Variants in KCNMB2 observed in about 807,000 individuals in gnomAD.
KCNMB2 encodes calcium-activated potassium channel subunit beta-2.
Under a neutral mutation model 24.5 loss-of-function variants are expected in KCNMB2, and 9 were observed. The ratio of observed to expected loss-of-function variants is 0.37; its 90% CI spans 0.22 to 0.64. The LOEUF is 0.64. Among genes scored for constraint, KCNMB2 ranks in the 30% least tolerant of loss-of-function variants. The pLI, the probability that KCNMB2 is intolerant of heterozygous loss-of-function variation, is 0.63. For synonymous variants in KCNMB2, 109 were observed against 104.4 expected (o/e 1.04, Z -0.27); for missense variants, 226 against 284.3 (o/e 0.79, Z 1.47).
chr3:178,627,111 T>A (rs1189147029), intron 1 of KCNMB2, among the ~76,000 whole-genome samples: 1 of 152,028 alleles, frequency 6.6e-6, no homozygotes, highest in African/African-American at 2.4e-5. Flanking sequence ...AGGATTTGAG[T>A]TGGCTAGATT....
At chr3:178,805,401 A>G (rs1302856973) in intron 1 of KCNMB2, among the ~76,000 whole-genome samples, 3 of 152,228 alleles carry the variant, frequency 2.0e-5, no homozygotes, top group Admixed American at 1.3e-4. Context: ...CGTGGTACAG[A>G]CTAAGCCCTA....
At chr3:178,675,226 T>C (rs1049230289) in intron 1 of KCNMB2, among the ~76,000 whole-genome samples, 2 of 152,370 alleles carry the variant, frequency 1.3e-5, no homozygotes, top group South Asian at 2.1e-4. Context: ...TTTAAAAGCC[T>C]AACAAGCCTC....
intron 1 of KCNMB2, among the ~76,000 whole-genome samples, chr3:178,673,354 G>T (rs1283710881): frequency 2.0e-5 from 3 of 151,936 alleles, no homozygotes; most frequent in Admixed American, 6.6e-5. Flanking sequence ...ATTACCAAAT[G>T]CAATATTCTT....
chr3:178,696,108 A>C (rs1420331448), intron 1 of KCNMB2, among the ~76,000 whole-genome samples: 1 of 152,250 alleles, frequency 6.6e-6, no homozygotes, highest in Non-Finnish European at 1.5e-5. Flanking sequence ...CCTTCTTCAT[A>C]TGGCAGCAGG....
chr3:178,629,659 A>C (rs896543978), intron 1 of KCNMB2, among the ~76,000 whole-genome samples: 4 of 152,234 alleles, frequency 2.6e-5, no homozygotes, highest in African/African-American at 9.6e-5. Flanking sequence ...TTTGTGCCAG[A>C]CACACAGATA....
intron 1 of KCNMB2, among the ~76,000 whole-genome samples, chr3:178,774,926 C>T (rs1303453230): frequency 6.6e-6 from 1 of 152,200 alleles, no homozygotes; most frequent in East Asian, 1.9e-4. Context: ...TTAGTTTTGA[C>T]TAGAAGCTCT....
intron 1 of KCNMB2, among the ~76,000 whole-genome samples, chr3:178,552,790 A>G (rs918505542): frequency 6.6e-6 from 1 of 152,234 alleles, no homozygotes; most frequent in Admixed American, 6.5e-5. Context: ...ATTCAAAAGC[A>G]ATGTCCTAAT....
At chr3:178,727,009 T>C (rs1722988518) in intron 1 of KCNMB2, among the ~76,000 whole-genome samples, 2 of 152,102 alleles carry the variant, frequency 1.3e-5, no homozygotes, top group Admixed American at 6.6e-5. Context: ...ACAAACTCTA[T>C]CTTCATTAAT....
At chr3:178,810,016 G>GC (rs1294292061) in intron 2 of KCNMB2, among the ~76,000 whole-genome samples, 1 of 147,910 alleles carries the variant, frequency 6.8e-6, no homozygotes, top group African/African-American at 2.5e-5. Flanking sequence ...ATTTGTCTGT[G>GC]CTTTTTTTTT....
chr3:178,685,265 C>T (rs1721424866), intron 1 of KCNMB2, among the ~76,000 whole-genome samples: 1 of 152,206 alleles, frequency 6.6e-6, no homozygotes, highest in Admixed American at 6.5e-5. Flanking sequence ...GAAGGTGGGG[C>T]TGGGACCAGT....
At chr3:178,629,311 C>A (rs926595826) in intron 1 of KCNMB2, among the ~76,000 whole-genome samples, 3 of 152,100 alleles carry the variant, frequency 2.0e-5, no homozygotes, top group Non-Finnish European at 4.4e-5. Flanking sequence ...AATTCTAGAG[C>A]AAGCAAGGAT....
intron 1 of KCNMB2, among the ~76,000 whole-genome samples, chr3:178,731,765 T>C (rs1723157949): frequency 6.6e-6 from 1 of 152,084 alleles, no homozygotes; most frequent in Non-Finnish European, 1.5e-5. Flanking sequence ...GAGCCTGCCA[T>C]GGTGGCACAT....
chr3:178,688,576 G>A (rs764019809), intron 1 of KCNMB2, among the ~76,000 whole-genome samples: 1 of 152,106 alleles, frequency 6.6e-6, no homozygotes, highest in African/African-American at 2.4e-5. Flanking sequence ...ATTATAGATG[G>A]AAGATACATA....
At chr3:178,769,815 A>G (rs544584438) in intron 1 of KCNMB2, among the ~76,000 whole-genome samples, 1 of 152,360 alleles carries the variant, frequency 6.6e-6, no homozygotes, top group South Asian at 2.1e-4. Context: ...CTAAAATGTG[A>G]CATAAAGCTA....
At chr3:178,661,135 C>T (rs751720082) in intron 1 of KCNMB2, among the ~76,000 whole-genome samples, 1 of 152,008 alleles carries the variant, frequency 6.6e-6, no homozygotes, top group African/African-American at 2.4e-5. Flanking sequence ...TGTCCCTCCC[C>T]TAGCCCCCCA....
At chr3:178,602,758 T>C (rs1217329305) in intron 1 of KCNMB2, among the ~76,000 whole-genome samples, 1 of 152,110 alleles carries the variant, frequency 6.6e-6, no homozygotes, top group Non-Finnish European at 1.5e-5. Context: ...GGTGAGGTTC[T>C]CATATTTTAC....
At chr3:178,780,558 T>C (rs1323357286) in intron 1 of KCNMB2, among the ~76,000 whole-genome samples, 12 of 152,180 alleles carry the variant, frequency 7.9e-5, no homozygotes, top group Non-Finnish European at 1.8e-4. Flanking sequence ...CAATTTCAAG[T>C]GGCTACTATG....
At chr3:178,709,986 C>G (rs1255857803) in intron 1 of KCNMB2, among the ~76,000 whole-genome samples, 1 of 152,048 alleles carries the variant, frequency 6.6e-6, no homozygotes, top group Non-Finnish European at 1.5e-5. Flanking sequence ...CAATTTATAC[C>G]GAGCACTTAA....
At chr3:178,697,436 T>C (rs1167623455) in intron 1 of KCNMB2, among the ~76,000 whole-genome samples, 1 of 152,230 alleles carries the variant, frequency 6.6e-6, no homozygotes, top group East Asian at 1.9e-4. Flanking sequence ...CCCTGCTTTT[T>C]CCTGTTTTCC....
Sources: allele counts gnomAD v4.1 joint callset (sites outside exome capture counted in the v4.1 genomes callset), GRCh38; gene constraint gnomAD v4.1.1; transcripts MANE v1.5; gene names NCBI Gene and HGNC (gene_info 2026-07-23, HGNC 2026-07-21).